Variants in SPTY2D1 observed in about 807,000 individuals in gnomAD.
SPTY2D1 encodes protein SPT2 homolog.
SPTY2D1 carries 21 observed loss-of-function variants against 64.0 expected under a neutral mutation model. That is an observed-to-expected ratio of 0.33 (90% CI 0.23 to 0.47). SPTY2D1 has a LOEUF of 0.47. Ranked by LOEUF, SPTY2D1 falls within the 20% of genes least tolerant of loss-of-function variation. The probability of loss-of-function intolerance (pLI) is 1.00; values close to 1 mark genes in which losing one functional copy is unlikely to be tolerated. For missense variants in SPTY2D1, 724 were observed against 837.2 expected (o/e 0.86, Z 1.67); for synonymous variants, 287 against 286.8 (o/e 1.00, Z -0.01).
intron 5 of SPTY2D1, among the ~76,000 whole-genome samples, chr11:18,610,685 A>G (rs1392469845): frequency 6.6e-6 from 1 of 151,056 alleles, no homozygotes; most frequent in Non-Finnish European, 1.5e-5. Flanking sequence ...AAAAAAAAAA[A>G]AAACAACAAT....
chr11:18,614,975 A>C lies in SPTY2D1; in HGVS notation c.1299T>G (p.Cys433Trp). The C allele has an allele frequency of 6.2e-7, 1 of 1,614,192 alleles. No individual in the cohort carries two copies. Among genetic ancestry groups the C allele is most frequent in the Non-Finnish European group, 8.5e-7 (1 of 1,180,032 alleles). The change falls in exon 3 of 6, where the codon TGT becomes TGG. Residue 433 changes from cysteine to tryptophan, a missense_variant. Coordinates refer to ENST00000336349, the MANE Select transcript of SPTY2D1 (RefSeq NM_194285.3). ...NPSRRTVSGT[C>W]GPGQPASSSG... ...AGCTGCTTGCAGGTTGTCCAGGGCC[A>C]CATGTACCACTGACTGTCCGCCTAG...
intron 1 of SPTY2D1, among the ~76,000 whole-genome samples, chr11:18,618,995 C>T (rs951463780): frequency 3.3e-5 from 5 of 152,124 alleles, no homozygotes; most frequent in African/African-American, 1.2e-4. Flanking sequence ...AAGTCCATAT[C>T]TTTGTAAATT....
intron 5 of SPTY2D1, 52 bp downstream of exon 5, chr11:18,611,425 G>A: frequency 6.5e-7 from 1 of 1,533,680 alleles, no homozygotes; most frequent in Non-Finnish European, 9.0e-7. Context: ...GCAATAAGCA[G>A]AAAGGAATTT....
chr11:18,615,108 G>A lies in SPTY2D1; in HGVS notation c.1166C>T (p.Pro389Leu), dbSNP rs773125544. The stretch of plus-strand genomic sequence containing the variant: ...AGGCACAGGGCCAGAACTAACTGTG[G>A]GTCGAGCAACCCCTGTGCTGGGCTG... ...PGQPSTGVAR[P>L]TVSSGPVPRR... The change falls in exon 3 of 6, where the codon CCC becomes CTC. Residue 389 changes from proline (P) to leucine (L), a missense_variant. This residue lies in a region of SPTY2D1 where 426 missense variants were observed against 431.8 expected (regional missense o/e 0.99). Transcript: ENST00000336349. 5.0e-6 allele frequency: 8 copies of A among 1,614,178 alleles called. No individual in the cohort carries two copies. The highest frequency in any genetic ancestry group is 5.9e-6 in the Non-Finnish European group (7 of 1,180,038).
rs2134109078 is a variant in SPTY2D1 at position 18,612,498 on chromosome 11, C to G, written c.1712-10G>C. 1 of 1,573,772 alleles carries G rather than the reference C, an allele frequency of 6.4e-7. No homozygotes were observed. The highest frequency in any genetic ancestry group is 8.6e-7 in the Non-Finnish European group (1 of 1,165,550). On this transcript the variant is annotated splice_polypyrimidine_tract_variant and intron_variant, in intron 3 of 5. Transcript: ENST00000336349. This position sits in a 1 kb window ranked among gnomAD's most constrained non-coding sequence, Gnocchi z 4.6. ...GGAAGCCTTTGAGGACCTAAGAAAC[C>G]ATTATTTATAAGAATATTACAATTT...
At chr11:18,622,768 A>C (rs1423408469) in intron 1 of SPTY2D1, among the ~76,000 whole-genome samples, 4 of 152,110 alleles carry the variant, frequency 2.6e-5, no homozygotes, top group Admixed American at 1.3e-4. Flanking sequence ...CCTGATGAAC[A>C]TGATGAAATC....
rs1439280109 is a variant in SPTY2D1 at position 18,607,294 on chromosome 11, A to T, written c.*2567T>A. On this transcript the variant is annotated 3_prime_UTR_variant, in exon 6 of 6. Coordinates refer to ENST00000336349, the MANE Select transcript of SPTY2D1 (RefSeq NM_194285.3). ...AGTTTAGCGAAAATACAAAGTTCTG[A>T]AAGTAGCCTTAAAAGAAGTGCCCTT... is the stretch of plus-strand genomic sequence containing the variant. 1 of 152,882 alleles carries T rather than the reference A, an allele frequency of 6.5e-6. No individual in the cohort carries two copies. The highest frequency in any genetic ancestry group is 2.4e-5 in the African/African-American group (1 of 41,464). 9.5% of individuals were successfully genotyped at this position (152,882 alleles called of 1,614,324 possible). A position where few individuals can be genotyped will look rare whatever the true frequency, so the allele number is the denominator to read the frequency against.
At chr11:18,617,814 C>T (rs895301452) in intron 1 of SPTY2D1, among the ~76,000 whole-genome samples, 18 of 146,198 alleles carry the variant, frequency 1.2e-4, no homozygotes, top group Non-Finnish European at 2.6e-4. Context: ...TGGTGGCGCA[C>T]ATCCGTAATC....
chr11:18,615,367 C>A lies in SPTY2D1; in HGVS notation c.907G>T (p.Gly303Cys). The change falls in exon 3 of 6, where the codon GGC becomes TGC. Residue 303 changes from glycine (G) to cysteine (C), a missense_variant. By Grantham distance (159) the Gly-to-Cys change is radical (BLOSUM62 -3). Transcript: ENST00000336349. ...GNSSQPSLRE[G>C]HDKPVFNGAG... Reference sequence around the variant, plus strand: ...CCATTAAAAACAGGTTTGTCGTGGCCCTCACGAAGTGAGGGTTGGGAGCTA... The same window carrying A: ...CCATTAAAAACAGGTTTGTCGTGGCACTCACGAAGTGAGGGTTGGGAGCTA... 6.2e-7 allele frequency: 1 copy of A among 1,614,136 alleles called. No individual in the cohort carries two copies. The highest frequency in any genetic ancestry group is 8.5e-7 in the Non-Finnish European group (1 of 1,180,022).
intron 3 of SPTY2D1, among the ~76,000 whole-genome samples, chr11:18,613,532 C>CTA (rs1854240472): frequency 6.6e-6 from 1 of 152,174 alleles, no homozygotes; most frequent in Non-Finnish European, 1.5e-5. Flanking sequence ...CATCCCTGTC[C>CTA]TCTATTCAGT....
At position 18,607,601 on chromosome 11, in the gene SPTY2D1, A is replaced by G. The variant is rs1218849145; in HGVS notation, c.*2260T>C. On this transcript the variant is annotated 3_prime_UTR_variant, in exon 6 of 6. Transcript: ENST00000336349. ...CCTTAATGAAATAACAGCCTACTCC[A>G]GTTTCTTCAAAGGTTTGTGAGCTTT... The G allele has an allele frequency of 6.6e-6, 1 of 152,642 alleles. No individual in the cohort carries two copies. Among genetic ancestry groups the G allele is most frequent in the African/African-American group, 2.4e-5 (1 of 41,452 alleles). The allele number at this position is 152,642 out of a possible 1,614,324, so 9.5% of individuals were successfully genotyped here. A position where few individuals can be genotyped will look rare whatever the true frequency, so the allele number is the denominator to read the frequency against.
At chr11:18,621,167 G>C (rs1465331550) in intron 1 of SPTY2D1, among the ~76,000 whole-genome samples, 1 of 151,474 alleles carries the variant, frequency 6.6e-6, no homozygotes, top group African/African-American at 2.4e-5. Flanking sequence ...CGTGGTGGTG[G>C]GCACCTGTAA....
chr11:18,621,282 C>G lies in SPTY2D1; in HGVS notation c.61-4293G>C, dbSNP rs1222494424. 2.7e-5 allele frequency among the ~76,000 whole-genome samples: 4 copies of G among 149,082 alleles called. No individual in the cohort carries two copies. In the East Asian group the frequency reaches 8.0e-4, roughly 30 times the overall value. ...CTGCACTTCAGCCTGGGTGATTGTA[C>G]TCTACCCTGGGTGAGAAGAGTGAAA... is the stretch of plus-strand genomic sequence containing the variant. On this transcript the variant is annotated intron_variant, in intron 1 of 5. Transcript: ENST00000336349.
intron 1 of SPTY2D1, among the ~76,000 whole-genome samples, chr11:18,629,995 C>G (rs113071773): frequency 6.7e-6 from 1 of 149,826 alleles, no homozygotes; most frequent in African/African-American, 2.5e-5. Context: ...ATGGTGAAAC[C>G]CCATCTCTAC....
chr11:18,614,926 T>A lies in SPTY2D1; in HGVS notation c.1348A>T (p.Ser450Cys). The change falls in exon 3 of 6, where the codon AGT becomes TGT. Residue 450 changes from serine (S) to cysteine (C), a missense_variant. Transcript: ENST00000336349. ...GGTCTTGCAGAACTAACTGAACCAC[T>A]GATGGGTCGCCCAGGGCCACCTGAG... ...SSSGGPGRPI[S>C]GSVSSARPLG... 1 of 1,613,272 alleles carries A rather than the reference T, an allele frequency of 6.2e-7. No homozygotes were observed. Among genetic ancestry groups the A allele is most frequent in the Non-Finnish European group, 8.5e-7 (1 of 1,179,274 alleles).
At position 18,611,613 on chromosome 11, in the gene SPTY2D1, C is replaced by T. The variant is rs192804765; in HGVS notation, c.1887-59G>A. 225 of 1,347,360 alleles carry T rather than the reference C, an allele frequency of 1.7e-4. No homozygotes were observed. In the African/African-American group the frequency reaches 2.9e-3, roughly 17 times the overall value. The allele number at this position is 1,347,360 out of a possible 1,614,324, so 83.5% of individuals were successfully genotyped here. ...AAACTTCAATTTTCTAAAGGAACTA[C>T]GTCCTCTCATTTAAAAAATCAATAT... On this transcript the variant is annotated intron_variant, in intron 4 of 5. Transcript: ENST00000336349.
At chr11:18,631,447 C>T (rs1437542258) in intron 1 of SPTY2D1, among the ~76,000 whole-genome samples, 1 of 151,958 alleles carries the variant, frequency 6.6e-6, no homozygotes. Flanking sequence ...TTCCCAGCTA[C>T]TCAGGAGGCT....
At chr11:18,629,412 G>C (rs1854550141) in intron 1 of SPTY2D1, among the ~76,000 whole-genome samples, 1 of 152,120 alleles carries the variant, frequency 6.6e-6, no homozygotes, top group Non-Finnish European at 1.5e-5. Context: ...GCTGAGGCAG[G>C]AGAATCGCTT....
chr11:18,610,667 T>TAAAAAAAAAAAAAAAAAA (rs58363516), intron 5 of SPTY2D1, among the ~76,000 whole-genome samples: 1 of 96,688 alleles, frequency 1.0e-5, no homozygotes, highest in African/African-American at 3.7e-5. Flanking sequence ...CCCTGTCTCT[T>TAAAAAAAAAAAAAAAAAA]AAAAAAAAAA....
Sources: allele counts gnomAD v4.1 joint callset (sites outside exome capture counted in the v4.1 genomes callset), GRCh38; gene constraint gnomAD v4.1.1; regional missense constraint gnomAD v4.1.1; non-coding constraint Gnocchi (gnomAD v3.1); transcripts MANE v1.5; gene names NCBI Gene and HGNC (gene_info 2026-07-23, HGNC 2026-07-21).